ARHGEF17: variants seen among roughly 807,000 people sequenced by gnomAD.
ARHGEF17 encodes the protein 164 kDa Rho-specific guanine-nucleotide exchange factor.
ARHGEF17 carries 80 observed loss-of-function variants against 174.0 expected under a neutral mutation model. The observed-to-expected ratio is 0.46, with a 90% CI of 0.38 to 0.55. The LOEUF is 0.55. ARHGEF17 is among the 20% of genes least tolerant of loss of function. The pLI, the probability that ARHGEF17 is intolerant of heterozygous loss-of-function variation, is 0.00. For synonymous variants in ARHGEF17, 1,311 were observed against 1,189.1 expected (o/e 1.10, Z -2.11); for missense variants, 2,886 against 2,839.7 (o/e 1.02, Z -0.37).
At chr11:73,363,942 G>A (rs1289352557) in intron 16 of ARHGEF17, 109 bp downstream of exon 16, 12 of 1,294,150 alleles carry the variant, frequency 9.3e-6, no homozygotes, top group Non-Finnish European at 1.3e-5. Flanking sequence ...CTGTGTGGAG[G>A]CTGGAAGCCA....
chr11:73,320,005 G>A (rs891653153), intron 1 of ARHGEF17, among the ~76,000 whole-genome samples: 1 of 152,164 alleles, frequency 6.6e-6, no homozygotes, highest in African/African-American at 2.4e-5. Flanking sequence ...GGGCACCTAG[G>A]GAGGGGGTGG....
intron 14 of ARHGEF17, 102 bp from the exon 15 acceptor site, chr11:73,363,104 C>A: frequency 2.8e-6 from 4 of 1,417,786 alleles, no homozygotes; most frequent in Non-Finnish European, 9.3e-7. Context: ...CTTTGAGAGG[C>A]CTTCCGGAGG....
intron 1 of ARHGEF17, among the ~76,000 whole-genome samples, chr11:73,328,946 A>G (rs1865147383): frequency 6.6e-6 from 1 of 151,982 alleles, no homozygotes; most frequent in Admixed American, 6.5e-5. Context: ...CAGGATGGAG[A>G]AGGAAGAAGA....
At chr11:73,327,036 T>A (rs11235722) in intron 1 of ARHGEF17, among the ~76,000 whole-genome samples, 4,876 of 152,272 alleles carry the variant, frequency 0.032, 256 homozygotes, top group African/African-American at 0.11. Context: ...GGGTAAACTC[T>A]GTTGGGGGCC....
At chr11:73,335,575 A>C (rs1179318700) in intron 1 of ARHGEF17, among the ~76,000 whole-genome samples, 5 of 151,878 alleles carry the variant, frequency 3.3e-5, no homozygotes, top group Non-Finnish European at 4.4e-5. Flanking sequence ...TAAAAAAAAA[A>C]CCCACCAGTT....
At chr11:73,321,835 C>T (rs1042543244) in intron 1 of ARHGEF17, among the ~76,000 whole-genome samples, 2 of 152,066 alleles carry the variant, frequency 1.3e-5, no homozygotes, top group African/African-American at 2.4e-5. Context: ...TGCAGCAGGT[C>T]GGGGGCCAGT....
At chr11:73,356,949 C>T in intron 7 of ARHGEF17, 76 bp from the exon 8 acceptor site, 2 of 1,536,420 alleles carry the variant, frequency 1.3e-6, no homozygotes, top group South Asian at 1.1e-5. Flanking sequence ...CTCAGTGTCC[C>T]CTTGGGCACT....
chr11:73,328,958 G>A (rs887211410), intron 1 of ARHGEF17, among the ~76,000 whole-genome samples: 1 of 152,108 alleles, frequency 6.6e-6, no homozygotes, highest in Non-Finnish European at 1.5e-5. Flanking sequence ...GGAAGAAGAG[G>A]GGTGCAAAGG....
rs573060878 is a variant in ARHGEF17, at chr11:73,310,227, C to T, written c.1589C>T (p.Thr530Met). 1.9e-6 allele frequency: 3 copies of T among 1,614,024 alleles called. No homozygotes were observed. The highest frequency in any genetic ancestry group is 1.7e-5 in the Admixed American group (1 of 60,028). The change falls in exon 1 of 21, where the codon ACG becomes ATG. Residue 530 changes from threonine to methionine, a missense_variant. By Grantham distance (81) the Thr-to-Met change is moderately conservative. Coordinates refer to ENST00000263674, the MANE Select transcript of ARHGEF17 (RefSeq NM_014786.4). ...ATCCCAGCCCCAGCATCACCTGGCA[C>T]GCGCCCCACACTCAAGGACTTGACA... ...IPIPAPASPG[T>M]RPTLKDLTAT...
At position 73,365,190 on chromosome 11, in the gene ARHGEF17, A is replaced by C; in HGVS notation, c.5551-200A>C. 1 of 610,760 alleles carries C rather than the reference A, an allele frequency of 1.6e-6. No homozygotes were observed. The highest frequency in any genetic ancestry group is 2.9e-6 in the Non-Finnish European group (1 of 349,374). 37.8% of individuals were successfully genotyped at this position (610,760 alleles called of 1,614,324 possible). A position where few individuals can be genotyped will look rare whatever the true frequency, so the allele number is the denominator to read the frequency against. ...CTGATCCTTAAATCACTCAAGTTTA[A>C]TGGGGAAAAAGCACCTCCATTGTAA... On this transcript the variant is annotated intron_variant, in intron 18 of 20. Coordinates refer to ENST00000263674, the MANE Select transcript of ARHGEF17 (RefSeq NM_014786.4). The surrounding 1 kb of genome is among the most constrained non-coding windows in gnomAD (Gnocchi z 4.9).
At chr11:73,357,689 CAG>C (rs1865668635) in intron 9 of ARHGEF17, among the ~76,000 whole-genome samples, 1 of 152,256 alleles carries the variant, frequency 6.6e-6, no homozygotes, top group Non-Finnish European at 1.5e-5. Flanking sequence ...GTTTCACACA[CAG>C]GGAACAGACA....
At chr11:73,349,775 G>A (rs551908823) in intron 2 of ARHGEF17, among the ~76,000 whole-genome samples, 3 of 152,356 alleles carry the variant, frequency 2.0e-5, no homozygotes, top group African/African-American at 7.2e-5. Context: ...CTGCACTTGG[G>A]AGAGGGTGCA....
chr11:73,320,343 T>G (rs1864996260), intron 1 of ARHGEF17, among the ~76,000 whole-genome samples: 2 of 151,974 alleles, frequency 1.3e-5, no homozygotes, highest in South Asian at 2.1e-4. Flanking sequence ...GTTAAGATTA[T>G]TTTGTTTTTC....
chr11:73,346,827 T>G (rs1591748237), intron 1 of ARHGEF17, 56 bp from the exon 2 acceptor site: 1 of 1,336,900 alleles, frequency 7.5e-7, no homozygotes. Flanking sequence ...TGGCTACAGG[T>G]GATGGGGTCT....
intron 9 of ARHGEF17, among the ~76,000 whole-genome samples, chr11:73,359,247 T>C (rs1218617872): frequency 1.3e-5 from 2 of 152,238 alleles, no homozygotes; most frequent in Non-Finnish European, 1.5e-5. Flanking sequence ...TCAAGACACA[T>C]GTGTCCTGGC....
At chr11:73,347,031 A>C in intron 2 of ARHGEF17, 71 bp downstream of exon 2, 2 of 1,435,338 alleles carry the variant, frequency 1.4e-6, no homozygotes, top group Non-Finnish European at 1.9e-6. Context: ...GGGTGTGAGC[A>C]AACCCCTTTC....
At chr11:73,318,029 A>G (rs899464039) in intron 1 of ARHGEF17, among the ~76,000 whole-genome samples, 1 of 152,074 alleles carries the variant, frequency 6.6e-6, no homozygotes, top group Non-Finnish European at 1.5e-5. Context: ...AGAGCTGTCC[A>G]TGCTCTTGGG....
At chr11:73,339,382 C>G (rs553737903) in intron 1 of ARHGEF17, among the ~76,000 whole-genome samples, 3 of 152,166 alleles carry the variant, frequency 2.0e-5, no homozygotes, top group South Asian at 4.2e-4. Flanking sequence ...TGTCATTGAT[C>G]TGTTCATCCA....
chr11:73,325,965 A>G (rs1350106815), intron 1 of ARHGEF17, among the ~76,000 whole-genome samples: 1 of 152,254 alleles, frequency 6.6e-6, no homozygotes, highest in Non-Finnish European at 1.5e-5. Context: ...GACTGCACAG[A>G]TGCTTCTACC....
Sources: gnomAD v4.1 joint callset for allele counts (sites outside exome capture counted in the v4.1 genomes callset) on GRCh38, gnomAD v4.1.1 for gene constraint, Gnocchi (gnomAD v3.1) non-coding constraint, MANE v1.5 for transcripts, NCBI Gene and HGNC (gene_info 2026-07-23, HGNC 2026-07-21) for gene names.